Variants in MTREX observed in about 807,000 individuals in gnomAD.
The protein encoded by MTREX is exosome RNA helicase MTR4.
In MTREX, 76 loss-of-function variants were observed where a neutral mutation model predicts 135.4. That is an observed-to-expected ratio of 0.56 (90% CI 0.47 to 0.68). MTREX has a LOEUF of 0.68. MTREX is among the 30% of genes least tolerant of loss of function. MTREX has a pLI of 0.00. For synonymous variants in MTREX, 404 were observed against 401.6 expected, an observed-to-expected ratio of 1.01 and a Z score of -0.07; for missense variants, 920 against 1,262.1, an observed-to-expected ratio of 0.73 and a Z score of 4.11.
At chr5:55,341,813 G>T in intron 7 of MTREX, 42 bp downstream of exon 7, 1 of 986,422 alleles carries the variant, frequency 1.0e-6, no homozygotes, top group South Asian at 1.7e-5. Flanking sequence ...TTTCCCTTCA[G>T]AATGACATTA....
intron 5 of MTREX, among the ~76,000 whole-genome samples, chr5:55,331,353 A>G (rs1008433958): frequency 6.6e-6 from 1 of 152,138 alleles, no homozygotes; most frequent in Non-Finnish European, 1.5e-5. Flanking sequence ...AGTTACTTGG[A>G]AAAAATATCC....
At chr5:55,349,526 A>G (rs1286619707) in intron 11 of MTREX, 47 bp from the exon 12 acceptor site, 3 of 991,018 alleles carry the variant, frequency 3.0e-6, no homozygotes, top group Admixed American at 1.8e-5. Flanking sequence ...GAAGTTTGGT[A>G]TCACTAACTC....
At chr5:55,384,720 A>C (rs1254187583) in intron 18 of MTREX, among the ~76,000 whole-genome samples, 1 of 152,008 alleles carries the variant, frequency 6.6e-6, no homozygotes, top group Non-Finnish European at 1.5e-5. Context: ...TGTCCTGTCT[A>C]CCTCTTACCC....
At position 55,360,238 on chromosome 5, in the gene MTREX, A is replaced by G. The variant is rs117077204; in HGVS notation, c.1659+1540A>G. On this transcript the variant is annotated intron_variant, in intron 15 of 26. Transcript: ENST00000230640. ...TATCTGGCTTTTTTTCACTTAGCCT[A>G]ATGTTTTCAAGTTTTATGCATGTTG... Among the ~76,000 whole-genome samples the G allele has an allele frequency of 4.9e-4, 74 of 152,216 alleles. No homozygotes were observed. The East Asian group carries it at 0.013, about 26-fold the overall frequency.
chr5:55,315,032 G>A (rs13436088), intron 1 of MTREX, among the ~76,000 whole-genome samples: 19,648 of 152,150 alleles, frequency 0.13, 1,508 homozygotes, highest in East Asian at 0.26. Context: ...CAGGGGTTGG[G>A]GGCCCATTTT....
intron 18 of MTREX, among the ~76,000 whole-genome samples, chr5:55,385,353 G>A (rs979219189): frequency 6.6e-6 from 1 of 152,204 alleles, no homozygotes; most frequent in Non-Finnish European, 1.5e-5. Context: ...TGGCCAACCA[G>A]TAGAGGCTAG....
At chr5:55,330,943 T>C (rs1464167768) in intron 5 of MTREX, among the ~76,000 whole-genome samples, 1 of 150,998 alleles carries the variant, frequency 6.6e-6, no homozygotes, top group Non-Finnish European at 1.5e-5. Context: ...GTTTATTCAC[T>C]TTTTTTTTAT....
chr5:55,408,070 T>G (rs1750833561), intron 22 of MTREX, among the ~76,000 whole-genome samples: 1 of 152,112 alleles, frequency 6.6e-6, no homozygotes, highest in Non-Finnish European at 1.5e-5. Context: ...AGCCCCTTTG[T>G]GCCATTCTAT....
intron 18 of MTREX, among the ~76,000 whole-genome samples, chr5:55,384,445 T>A (rs550843989): frequency 6.6e-6 from 1 of 152,366 alleles, no homozygotes; most frequent in African/African-American, 2.4e-5. Context: ...GTGATTTCCC[T>A]TGATTCTTTG....
rs532052022 is a variant in MTREX, at chr5:55,356,607, A to G, written c.1534-1966A>G. ...AGTGAAATCCTTAGCCAGGTTGGAC[A>G]TACTGGGTAGCCAGGGCTCATTCGA... On this transcript the variant is annotated intron_variant, in intron 14 of 26. Transcript: ENST00000230640. The G allele has an allele frequency of 1.2e-4, 22 of 182,468 alleles. 1 individual carries two copies. In the South Asian group the frequency reaches 2.6e-3, roughly 21 times the overall value. 11.3% of individuals were successfully genotyped at this position (182,468 alleles called of 1,614,324 possible). A position where few individuals can be genotyped will look rare whatever the true frequency, so the allele number is the denominator to read the frequency against.
intron 3 of MTREX, 183 bp downstream of exon 3, chr5:55,324,381 G>GCAT (rs1302818441): frequency 5.6e-6 from 1 of 178,822 alleles, no homozygotes; most frequent in Non-Finnish European, 1.1e-5. Context: ...TCCTCCCCCA[G>GCAT]CATTTTTCTT....
intron 19 of MTREX, among the ~76,000 whole-genome samples, chr5:55,397,155 G>A (rs1031362036): frequency 6.6e-6 from 1 of 152,104 alleles, no homozygotes; most frequent in Admixed American, 6.6e-5. Context: ...TGTGCATTCT[G>A]TATTGAGGGG....
chr5:55,421,579 T>C (rs1437723759), intron 25 of MTREX, among the ~76,000 whole-genome samples: 3 of 152,238 alleles, frequency 2.0e-5, no homozygotes, highest in Non-Finnish European at 4.4e-5. Context: ...TTCGTATGGT[T>C]TGGTCTCTGA....
At chr5:55,405,092 C>T (rs1750781829) in intron 21 of MTREX, among the ~76,000 whole-genome samples, 2 of 152,036 alleles carry the variant, frequency 1.3e-5, no homozygotes, top group African/African-American at 2.4e-5. Flanking sequence ...CCATTGCGCC[C>T]GGCCTCTGTT....
intron 26 of MTREX, chr5:55,423,240 CAA>C (rs1751084300): frequency 1.0e-5 from 4 of 398,146 alleles, no homozygotes; most frequent in Admixed American, 4.3e-5. Flanking sequence ...ATATAGTGAA[CAA>C]AAAGACACCC....
rs1292096120 is a variant in MTREX, at chr5:55,324,290, G to A, written c.339+92G>A. ...GATGATCAGCAAACAGTTTAGCCAT[G>A]AGGACCTTGGAAACAATAAATAGTT... On this transcript the variant is annotated intron_variant, in intron 3 of 26. Transcript: ENST00000230640. 3 of 806,962 alleles carry A rather than the reference G, an allele frequency of 3.7e-6. No homozygotes were observed. In the African/African-American group the frequency reaches 5.3e-5, roughly 14 times the overall value. 50.0% of individuals were successfully genotyped at this position (806,962 alleles called of 1,614,324 possible). A position where few individuals can be genotyped will look rare whatever the true frequency, so the allele number is the denominator to read the frequency against.
chr5:55,404,222 G>T (rs909863937), intron 21 of MTREX, among the ~76,000 whole-genome samples: 1 of 151,882 alleles, frequency 6.6e-6, no homozygotes, highest in Non-Finnish European at 1.5e-5. Flanking sequence ...CTTTTCTGTC[G>T]GTGTTTTTCT....
intron 23 of MTREX, among the ~76,000 whole-genome samples, chr5:55,413,437 T>A (rs1051912392): frequency 7.1e-6 from 1 of 141,564 alleles, no homozygotes; most frequent in Non-Finnish European, 1.6e-5. Flanking sequence ...ACAGTACCTT[T>A]GTCAAAAATT....
At chr5:55,376,896 C>A (rs1274608687) in intron 16 of MTREX, among the ~76,000 whole-genome samples, 1 of 151,542 alleles carries the variant, frequency 6.6e-6, no homozygotes, top group Non-Finnish European at 1.5e-5. Context: ...ATGGTGAAAC[C>A]CCCGTCTCTA....
Sources: gnomAD v4.1 joint callset for allele counts (sites outside exome capture counted in the v4.1 genomes callset) on GRCh38, gnomAD v4.1.1 for gene constraint, MANE v1.5 for transcripts, NCBI Gene and HGNC (gene_info 2026-07-23, HGNC 2026-07-21) for gene names.